RNF13: variants seen among roughly 807,000 people sequenced by gnomAD.
The protein encoded by RNF13 is ring finger protein 13, also known as E3 ubiquitin-protein ligase RNF13.
Under a neutral mutation model 37.7 loss-of-function variants are expected in RNF13, and 19 were observed. The ratio of observed to expected loss-of-function variants is 0.50; its 90% CI spans 0.35 to 0.74. The LOEUF is 0.74. Among genes scored for constraint, RNF13 ranks in the 30% least tolerant of loss-of-function variants. The pLI is 0.01. For missense variants in RNF13, 375 were observed against 453.0 expected (o/e 0.83, Z 1.56); for synonymous variants, 144 against 157.8 (o/e 0.91, Z 0.65).
chr3:149,884,427 A>G (rs1046909887), intron 4 of RNF13, among the ~76,000 whole-genome samples: 72 of 151,644 alleles, frequency 4.7e-4, no homozygotes, highest in African/African-American at 1.7e-3. Flanking sequence ...TCAGAGCTTG[A>G]ACTCTTCCTG....
intron 8 of RNF13, among the ~76,000 whole-genome samples, chr3:149,956,461 T>C (rs192768821): frequency 1.3e-5 from 2 of 152,318 alleles, no homozygotes; most frequent in South Asian, 2.1e-4. Context: ...CCTAGGTCTT[T>C]GTGTGAGTCT....
chr3:149,960,562 A>G (rs1722297686), intron 9 of RNF13, among the ~76,000 whole-genome samples, 178 bp from the exon 10 acceptor site: 2 of 152,278 alleles, frequency 1.3e-5, no homozygotes, highest in East Asian at 3.9e-4. Context: ...ACTGCACTCC[A>G]GCCTGGGTGA....
chr3:149,857,076 G>T (rs897141499), intron 3 of RNF13, among the ~76,000 whole-genome samples: 2 of 152,146 alleles, frequency 1.3e-5, no homozygotes, highest in African/African-American at 4.8e-5. Flanking sequence ...ACTCTGCCCA[G>T]AAAGTTTAGG....
intron 1 of RNF13, among the ~76,000 whole-genome samples, chr3:149,831,080 G>C (rs1720986755): frequency 6.6e-6 from 1 of 152,380 alleles, no homozygotes; most frequent in Non-Finnish European, 1.5e-5. Flanking sequence ...ATGCCTGGAT[G>C]TCCAGACAGA....
intron 8 of RNF13, among the ~76,000 whole-genome samples, chr3:149,953,600 A>G (rs1276249557): frequency 6.6e-6 from 1 of 152,216 alleles, no homozygotes; most frequent in Admixed American, 6.5e-5. Context: ...TCGAAGGGGA[A>G]TATTTAAATG....
intron 4 of RNF13, among the ~76,000 whole-genome samples, chr3:149,878,847 AG>A (rs1713050534): frequency 6.6e-6 from 1 of 152,164 alleles, no homozygotes; most frequent in African/African-American, 2.4e-5. Context: ...TTTTGTGTCC[AG>A]GCTGATGGTT....
Position 149,960,896 on chromosome 3 carries a change from G to C in RNF13, c.938G>C (p.Arg313Thr), listed in dbSNP as rs2108622456. The change falls in exon 10 of 10, where the codon AGA becomes ACA. Residue 313 changes from arginine (R) to threonine (T), a missense_variant. Arg to Thr is a moderately conservative substitution (Grantham distance 71, BLOSUM62 -1). Coordinates refer to ENST00000392894, the MANE Select transcript of RNF13 (RefSeq NM_183381.3). ...NEVTEHTPLL[R>T]PLASVSAQSF... ...GTGACAGAACATACCCCTTTACTGA[G>C]ACCTTTAGCTTCTGTCAGTGCCCAG... is the stretch of plus-strand genomic sequence containing the variant. 6.2e-7 allele frequency: 1 copy of C among 1,614,180 alleles called. No homozygotes were observed. The highest frequency in any genetic ancestry group is 8.5e-7 in the Non-Finnish European group (1 of 1,180,024).
At chr3:149,851,256 C>G (rs1038211973) in intron 2 of RNF13, 1 of 152,202 alleles carries the variant, frequency 6.6e-6, no homozygotes, top group African/African-American at 2.4e-5. Flanking sequence ...GGTATGGTTA[C>G]CAGGACCTGA....
At chr3:149,886,296 T>C (rs1714027813) in intron 4 of RNF13, among the ~76,000 whole-genome samples, 1 of 152,214 alleles carries the variant, frequency 6.6e-6, no homozygotes. Context: ...AGACATTGCA[T>C]TGAATCTGTA....
At chr3:149,948,207 C>T (rs1276683001) in intron 8 of RNF13, among the ~76,000 whole-genome samples, 1 of 152,176 alleles carries the variant, frequency 6.6e-6, no homozygotes, top group Non-Finnish European at 1.5e-5. Context: ...CCTCGGCCTC[C>T]CAAAGTGCTG....
chr3:149,939,296 G>A (rs1214421999), intron 8 of RNF13: 5 of 461,934 alleles, frequency 1.1e-5, no homozygotes, highest in East Asian at 5.4e-5. Context: ...CATCATCATC[G>A]TCATTTTCAT....
At chr3:149,905,690 C>T (rs2108508195) in intron 6 of RNF13, among the ~76,000 whole-genome samples, 1 of 151,728 alleles carries the variant, frequency 6.6e-6, no homozygotes, top group East Asian at 1.9e-4. Flanking sequence ...AATATTAAAT[C>T]TTTTGTTCAT....
intron 6 of RNF13, among the ~76,000 whole-genome samples, chr3:149,907,189 A>G (rs1311804813): frequency 6.6e-6 from 1 of 152,140 alleles, no homozygotes; most frequent in Non-Finnish European, 1.5e-5. Context: ...GTTTTTTCAT[A>G]TAAATAGAAA....
Position 149,916,086 on chromosome 3 carries a change from G to GT in RNF13, c.606+4015dup, listed in dbSNP as rs59381512. Among the ~76,000 whole-genome samples the GT allele has an allele frequency of 2.5e-3, 359 of 144,718 alleles. 1 individual carries two copies. Among genetic ancestry groups the GT allele is most frequent in the African/African-American group, 4.7e-3 (187 of 39,648 alleles). The allele number at this position is 144,718 out of a possible 152,430, so 94.9% of individuals were successfully genotyped here. ...AAGCTTTCTCTTACTTTCTAAAATA[G>GT]TTTTTTTTTTTTAAAGAAAATTGGG... On this transcript the variant is annotated intron_variant, in intron 7 of 9. Coordinates refer to ENST00000392894, the MANE Select transcript of RNF13 (RefSeq NM_183381.3).
At chr3:149,867,216 C>T (rs959232577) in intron 3 of RNF13, among the ~76,000 whole-genome samples, 11 of 151,900 alleles carry the variant, frequency 7.2e-5, no homozygotes, top group Non-Finnish European at 1.3e-4. Context: ...ATTGTTATAT[C>T]GTCTTGCAGA....
chr3:149,876,571 C>T (rs1349228965), intron 4 of RNF13, among the ~76,000 whole-genome samples: 1 of 152,104 alleles, frequency 6.6e-6, no homozygotes, highest in Non-Finnish European at 1.5e-5. Flanking sequence ...TGCCACTCCT[C>T]CCACCTCGTA....
chr3:149,914,764 C>A (rs1046203132), intron 7 of RNF13, among the ~76,000 whole-genome samples: 1 of 151,826 alleles, frequency 6.6e-6, no homozygotes, highest in African/African-American at 2.4e-5. Flanking sequence ...ATGGTGAAAC[C>A]GCGTCTCTAC....
chr3:149,849,480 G>A (rs1722940437), intron 2 of RNF13, among the ~76,000 whole-genome samples: 1 of 152,214 alleles, frequency 6.6e-6, no homozygotes, highest in Non-Finnish European at 1.5e-5. Flanking sequence ...TTTATAATCA[G>A]AGTTGAAATC....
chr3:149,925,208 T>C (rs1718512744), intron 8 of RNF13, among the ~76,000 whole-genome samples: 1 of 152,194 alleles, frequency 6.6e-6, no homozygotes, highest in Non-Finnish European at 1.5e-5. Flanking sequence ...TCAGCATAAC[T>C]GTTTTTCTCT....
Sources: allele counts gnomAD v4.1 joint callset (sites outside exome capture counted in the v4.1 genomes callset), GRCh38; gene constraint gnomAD v4.1.1; transcripts MANE v1.5; gene names NCBI Gene and HGNC (gene_info 2026-07-23, HGNC 2026-07-21).